Variants in RIT2 observed in about 807,000 individuals in gnomAD.
RIT2 encodes GTP-binding protein Rit2.
A neutral mutation model predicts 23.7 loss-of-function variants in RIT2; 24 were observed. That is an observed-to-expected ratio of 1.01 (90% confidence interval 0.73 to 1.43). RIT2 has a LOEUF of 1.43. RIT2 is among the 40% of genes most tolerant of loss of function. The probability of loss-of-function intolerance (pLI) is 0.00; values close to 1 mark genes in which losing one functional copy is unlikely to be tolerated. For synonymous variants in RIT2, 107 were observed against 91.1 expected (o/e 1.17, Z -0.99); for missense variants, 236 against 266.9 (o/e 0.88, Z 0.81).
intron 3 of RIT2, among the ~76,000 whole-genome samples, chr18:42,926,396 A>C (rs1345985065): frequency 6.6e-6 from 1 of 151,910 alleles, no homozygotes; most frequent in East Asian, 1.9e-4. Context: ...TGTTGTGAAG[A>C]ATGTAGTAGT....
intron 4 of RIT2, among the ~76,000 whole-genome samples, chr18:42,768,307 C>A (rs762979260): frequency 3.4e-4 from 52 of 152,042 alleles, no homozygotes; most frequent in Non-Finnish European, 5.6e-4. Context: ...GTGCTGGCCT[C>A]AAGGTAGCCA....
intron 2 of RIT2, among the ~76,000 whole-genome samples, chr18:43,009,572 C>T (rs971477835): frequency 2.0e-5 from 3 of 151,714 alleles, no homozygotes; most frequent in Admixed American, 6.6e-5. Flanking sequence ...TTTCACAACC[C>T]GTCCCCTCTT....
chr18:43,036,160 A>G (rs943848160), intron 1 of RIT2, among the ~76,000 whole-genome samples: 1 of 152,224 alleles, frequency 6.6e-6, no homozygotes, highest in Admixed American at 6.5e-5. Flanking sequence ...AAATAATAGA[A>G]ATATTTGGAT....
At chr18:42,985,230 A>C (rs1910683601) in intron 2 of RIT2, among the ~76,000 whole-genome samples, 1 of 152,154 alleles carries the variant, frequency 6.6e-6, no homozygotes, top group South Asian at 2.1e-4. Context: ...TGTTTGTAAG[A>C]CTTCTACTTA....
chr18:42,998,792 G>C (rs576344596), intron 2 of RIT2, among the ~76,000 whole-genome samples: 2 of 152,066 alleles, frequency 1.3e-5, no homozygotes, highest in African/African-American at 2.4e-5. Context: ...GTCTGCAATG[G>C]TGTCTGCAAT....
intron 1 of RIT2, among the ~76,000 whole-genome samples, chr18:43,096,599 T>C (rs908675373): frequency 6.6e-6 from 1 of 151,890 alleles, no homozygotes; most frequent in African/African-American, 2.4e-5. Context: ...ACATTTCTCT[T>C]TTATCAGCCT....
chr18:42,928,729 A>G (rs1909246797), intron 3 of RIT2, among the ~76,000 whole-genome samples: 1 of 151,990 alleles, frequency 6.6e-6, no homozygotes, highest in Non-Finnish European at 1.5e-5. Context: ...GATGCCTTAA[A>G]CTGGTTATGT....
At chr18:42,756,949 TA>T (rs1255659767) in intron 4 of RIT2, among the ~76,000 whole-genome samples, 1 of 151,934 alleles carries the variant, frequency 6.6e-6, no homozygotes. Context: ...AATTAAATAA[TA>T]AATTATATAA....
chr18:43,112,289 A>G (rs925214737), intron 1 of RIT2, among the ~76,000 whole-genome samples: 23 of 152,054 alleles, frequency 1.5e-4, no homozygotes, highest in African/African-American at 5.6e-4. Flanking sequence ...TATTTTTCTG[A>G]CCTCTGTTTT....
chr18:42,907,097 T>A (rs749461904), intron 4 of RIT2, among the ~76,000 whole-genome samples: 13 of 152,306 alleles, frequency 8.5e-5, no homozygotes, highest in Admixed American at 2.0e-4. Context: ...TACTGTTTTT[T>A]TAAGTCTTCT....
At chr18:42,816,009 C>CATGA (rs1598665642) in intron 4 of RIT2, among the ~76,000 whole-genome samples, 1 of 152,108 alleles carries the variant, frequency 6.6e-6, no homozygotes, top group South Asian at 2.1e-4. Flanking sequence ...ACACAGAAAG[C>CATGA]ATGACAGCAT....
intron 3 of RIT2, among the ~76,000 whole-genome samples, chr18:42,961,255 A>G (rs1910087380): frequency 6.6e-6 from 1 of 152,180 alleles, no homozygotes; most frequent in Non-Finnish European, 1.5e-5. Context: ...CAAATTCTAC[A>G]TTGTCTTTTC....
chr18:42,830,574 C>T (rs993514951), intron 4 of RIT2, among the ~76,000 whole-genome samples: 14 of 152,060 alleles, frequency 9.2e-5, no homozygotes, highest in African/African-American at 3.4e-4. Flanking sequence ...ACTTTGGATC[C>T]GTAACGTGTA....
intron 3 of RIT2, among the ~76,000 whole-genome samples, chr18:42,945,375 T>A (rs1247263114): frequency 1.3e-5 from 2 of 151,896 alleles, no homozygotes; most frequent in Admixed American, 1.3e-4. Context: ...ATTTGTCCCA[T>A]GTGAGTGAAA....
In RIT2 at chr18:42,879,550, T is replaced by G. The variant is rs1907834060; in HGVS notation, c.426+44022A>C. 2.0e-5 allele frequency among the ~76,000 whole-genome samples: 3 copies of G among 152,264 alleles called. No homozygotes were observed. In the South Asian group the frequency reaches 6.2e-4, roughly 32 times the overall value. ...CTTTTTTGTTTTATTTGTTTTTGTT[T>G]TCTCTTTCTGCAAGTTGATAATCTT... On this transcript the variant is annotated intron_variant, in intron 4 of 4. Coordinates refer to ENST00000326695, the MANE Select transcript of RIT2 (RefSeq NM_002930.4).
At chr18:43,060,950 C>T (rs1356097051) in intron 1 of RIT2, among the ~76,000 whole-genome samples, 1 of 152,026 alleles carries the variant, frequency 6.6e-6, no homozygotes, top group Non-Finnish European at 1.5e-5. Context: ...CTTCTAATAG[C>T]AACTAAATAA....
chr18:42,963,805 A>G (rs1043973498), intron 3 of RIT2, among the ~76,000 whole-genome samples: 1 of 152,178 alleles, frequency 6.6e-6, no homozygotes, highest in African/African-American at 2.4e-5. Context: ...CTGGGACAGG[A>G]GAATCACTTG....
chr18:42,844,826 A>G (rs1044483286), intron 4 of RIT2, among the ~76,000 whole-genome samples: 1 of 152,178 alleles, frequency 6.6e-6, no homozygotes, highest in Non-Finnish European at 1.5e-5. Context: ...GGGGTTTTAC[A>G]GGGGACCTGC....
intron 4 of RIT2, among the ~76,000 whole-genome samples, chr18:42,883,553 C>A (rs564082369): frequency 1.3e-5 from 2 of 151,962 alleles, no homozygotes; most frequent in African/African-American, 4.8e-5. Flanking sequence ...CCTTTTGCTT[C>A]GTCCAACATA....
Sources: gnomAD v4.1 joint callset for allele counts (sites outside exome capture counted in the v4.1 genomes callset) on GRCh38, gnomAD v4.1.1 for gene constraint, MANE v1.5 for transcripts, NCBI Gene and HGNC (gene_info 2026-07-23, HGNC 2026-07-21) for gene names.